Variants in LRRC4C observed in about 807,000 individuals in gnomAD.
LRRC4C encodes leucine rich repeat containing 4C.
LRRC4C carries 5 observed loss-of-function variants against 33.6 expected under a neutral mutation model. The ratio of observed to expected loss-of-function variants is 0.15; its 90% CI spans 0.08 to 0.31. The LOEUF (loss-of-function observed/expected upper bound fraction) is 0.31. Ranked by LOEUF, LRRC4C falls within the 10% of genes least tolerant of loss-of-function variation. LRRC4C has a pLI of 1.00. For synonymous variants in LRRC4C, 329 were observed against 302.0 expected, an observed-to-expected ratio of 1.09 and a Z score of -0.93; for missense variants, 560 against 796.7, an observed-to-expected ratio of 0.70 and a Z score of 3.58.
intron 3 of LRRC4C, among the ~76,000 whole-genome samples, chr11:40,529,239 A>T (rs1956178364): frequency 6.6e-6 from 1 of 152,048 alleles, no homozygotes; most frequent in African/African-American, 2.4e-5. Context: ...CTTGACTGTG[A>T]TGACTGTTAC....
intron 1 of LRRC4C, among the ~76,000 whole-genome samples, chr11:40,966,605 C>T (rs1340623282): frequency 6.6e-6 from 1 of 152,006 alleles, no homozygotes; most frequent in African/African-American, 2.4e-5. Flanking sequence ...TGTACACCAC[C>T]TTCATCTGTG....
intron 4 of LRRC4C, among the ~76,000 whole-genome samples, chr11:40,262,513 C>T (rs1941929201): frequency 6.6e-6 from 1 of 152,154 alleles, no homozygotes; most frequent in Non-Finnish European, 1.5e-5. Flanking sequence ...AATCATTCTC[C>T]TATAAAGCCA....
intron 3 of LRRC4C, among the ~76,000 whole-genome samples, chr11:40,355,596 C>T (rs754444542): frequency 1.3e-5 from 2 of 152,152 alleles, no homozygotes; most frequent in Non-Finnish European, 2.9e-5. Context: ...TTTGCTGTGA[C>T]AGGGCAGCAC....
chr11:40,550,466 T>C (rs1306296519), intron 3 of LRRC4C, among the ~76,000 whole-genome samples: 1 of 152,022 alleles, frequency 6.6e-6, no homozygotes, highest in African/African-American at 2.4e-5. Context: ...AAAAAGCATA[T>C]GCATTGCAAA....
intron 1 of LRRC4C, among the ~76,000 whole-genome samples, chr11:40,974,859 A>T (rs1851973720): frequency 6.6e-6 from 1 of 152,140 alleles, no homozygotes; most frequent in African/African-American, 2.4e-5. Context: ...CTGTTCTTGG[A>T]CACTGGGACT....
At chr11:40,510,658 G>T (rs1215227178) in intron 3 of LRRC4C, among the ~76,000 whole-genome samples, 11 of 152,264 alleles carry the variant, frequency 7.2e-5, no homozygotes, top group African/African-American at 2.6e-4. Context: ...GTGATCAGAG[G>T]TCTCAAATAA....
At chr11:40,287,435 G>A (rs1943920993) in intron 4 of LRRC4C, among the ~76,000 whole-genome samples, 3 of 152,012 alleles carry the variant, frequency 2.0e-5, no homozygotes, top group African/African-American at 7.2e-5. Flanking sequence ...TAGAGGAGGT[G>A]TTTCTCAGAC....
At chr11:40,738,064 C>G (rs749123899) in intron 2 of LRRC4C, among the ~76,000 whole-genome samples, 5 of 152,106 alleles carry the variant, frequency 3.3e-5, no homozygotes, top group African/African-American at 4.8e-5. Flanking sequence ...AGAAATAACA[C>G]CACACATCTG....
intron 3 of LRRC4C, among the ~76,000 whole-genome samples, chr11:40,525,785 C>T (rs985886949): frequency 3.3e-5 from 5 of 151,340 alleles, no homozygotes; most frequent in Non-Finnish European, 7.4e-5. Flanking sequence ...CATACCAAGC[C>T]AACAATAAAG....
chr11:40,214,799 G>A (rs1863855881), intron 5 of LRRC4C, among the ~76,000 whole-genome samples: 1 of 152,106 alleles, frequency 6.6e-6, no homozygotes, highest in South Asian at 2.1e-4. Flanking sequence ...TGTTATGGTG[G>A]CCCAGGCAGA....
intron 1 of LRRC4C, among the ~76,000 whole-genome samples, chr11:41,369,845 A>C (rs1212720711): frequency 6.6e-6 from 1 of 152,170 alleles, no homozygotes; most frequent in African/African-American, 2.4e-5. Context: ...TCTGCGAATA[A>C]TGTGCAGGAT....
chr11:40,466,607 T>C (rs1952665058), intron 3 of LRRC4C, among the ~76,000 whole-genome samples: 1 of 151,876 alleles, frequency 6.6e-6, no homozygotes, highest in South Asian at 2.1e-4. Context: ...ACCATAATTT[T>C]ACATATTACA....
intron 1 of LRRC4C, among the ~76,000 whole-genome samples, chr11:41,126,799 C>T (rs994265009): frequency 2.0e-5 from 3 of 151,972 alleles, no homozygotes; most frequent in African/African-American, 7.2e-5. Context: ...GACAATCCAG[C>T]TGAGGTACCT....
chr11:41,362,373 T>TA (rs1162496193), intron 1 of LRRC4C, among the ~76,000 whole-genome samples: 2 of 151,854 alleles, frequency 1.3e-5, no homozygotes, highest in African/African-American at 4.8e-5. Flanking sequence ...GAAATAAAGG[T>TA]AAAAAGGGCA....
At chr11:41,426,844 C>G (rs1429509705) in intron 1 of LRRC4C, among the ~76,000 whole-genome samples, 1 of 152,110 alleles carries the variant, frequency 6.6e-6, no homozygotes, top group Non-Finnish European at 1.5e-5. Flanking sequence ...TGTTGACTTC[C>G]CAGGCCTCTC....
intron 3 of LRRC4C, among the ~76,000 whole-genome samples, chr11:40,376,623 A>C (rs1948670228): frequency 6.6e-6 from 1 of 152,140 alleles, no homozygotes. Flanking sequence ...GAACTTGATG[A>C]AGTTACCAAC....
At chr11:40,588,427 G>C (rs1191651716) in intron 3 of LRRC4C, among the ~76,000 whole-genome samples, 1 of 151,882 alleles carries the variant, frequency 6.6e-6, no homozygotes, top group African/African-American at 2.4e-5. Flanking sequence ...CAAAAAACCA[G>C]CTCCTGGATT....
intron 3 of LRRC4C, among the ~76,000 whole-genome samples, chr11:40,337,212 T>C (rs1402314509): frequency 6.6e-6 from 1 of 152,206 alleles, no homozygotes; most frequent in Non-Finnish European, 1.5e-5. Flanking sequence ...AAAATCAGCA[T>C]GGGTTGGAAC....
At chr11:41,387,369 A>C (rs747629011) in intron 1 of LRRC4C, among the ~76,000 whole-genome samples, 4 of 151,792 alleles carry the variant, frequency 2.6e-5, no homozygotes, top group Admixed American at 6.6e-5. Context: ...AATCAGTGTC[A>C]GTGCTATCAG....
Sources: allele counts gnomAD v4.1 joint callset (sites outside exome capture counted in the v4.1 genomes callset), GRCh38; gene constraint gnomAD v4.1.1; transcripts MANE v1.5; gene names NCBI Gene and HGNC (gene_info 2026-07-23, HGNC 2026-07-21).